Variants in CABIN1 observed in about 807,000 individuals in gnomAD.
CABIN1 encodes the protein calcineurin-binding protein cabin-1.
CABIN1 carries 133 observed loss-of-function variants against 227.7 expected under a neutral mutation model. The observed-to-expected ratio is 0.58, with a 90% CI of 0.51 to 0.67. The LOEUF is 0.67. Ranked by LOEUF, CABIN1 falls within the 30% of genes least tolerant of loss-of-function variation. The pLI is 0.00. For missense variants in CABIN1, 2,408 were observed against 2,852.5 expected, an observed-to-expected ratio of 0.84 and a Z score of 3.55; for synonymous variants, 1,086 against 1,155.1, an observed-to-expected ratio of 0.94 and a Z score of 1.21.
At chr22:24,140,298 A>G (rs1403095019) in intron 29 of CABIN1, among the ~76,000 whole-genome samples, 1 of 152,220 alleles carries the variant, frequency 6.6e-6, no homozygotes, top group Non-Finnish European at 1.5e-5. Context: ...ATGGACGTGT[A>G]GCAGGGCTCA....
intron 33 of CABIN1, among the ~76,000 whole-genome samples, chr22:24,168,729 G>T (rs1215274784): frequency 6.6e-6 from 1 of 152,230 alleles, no homozygotes; most frequent in Non-Finnish European, 1.5e-5. Flanking sequence ...GTTCAGACAT[G>T]CTGAGGGGTC....
At chr22:24,019,512 C>T (rs1404653761) in intron 1 of CABIN1, among the ~76,000 whole-genome samples, 1 of 152,024 alleles carries the variant, frequency 6.6e-6, no homozygotes, top group Non-Finnish European at 1.5e-5. Flanking sequence ...ACCTCAGCCT[C>T]GCAGAGCACT....
At chr22:24,014,393 G>C (rs2035078144) in intron 1 of CABIN1, among the ~76,000 whole-genome samples, 1 of 151,400 alleles carries the variant, frequency 6.6e-6, no homozygotes, top group South Asian at 2.1e-4. Context: ...CTTCAGGTTA[G>C]CTTCTGTGGC....
intron 16 of CABIN1, among the ~76,000 whole-genome samples, chr22:24,067,622 GA>G (rs1411249630): frequency 3.9e-5 from 6 of 152,222 alleles, no homozygotes; most frequent in Non-Finnish European, 7.3e-5. Context: ...CCTTATGTTT[GA>G]AACCTCGTGT....
intron 29 of CABIN1, 53 bp from the exon 30 acceptor site, chr22:24,164,347 G>A (rs773012827): frequency 1.8e-4 from 293 of 1,596,098 alleles, no homozygotes; most frequent in Non-Finnish European, 2.3e-4. Context: ...GGGTGTCCCC[G>A]AGGCTCCTGC....
At position 24,169,938 on chromosome 22, in the gene CABIN1, G is replaced by A. The variant is rs543200007; in HGVS notation, c.5757+1417G>A. Among the ~76,000 whole-genome samples the A allele has an allele frequency of 1.6e-4, 25 of 152,340 alleles. No individual in the cohort carries two copies. In the South Asian group the frequency reaches 4.1e-3, roughly 25 times the overall value. The stretch of plus-strand genomic sequence containing the variant: ...GAGGGCTGGGTGAGCAGAGATTTCC[G>A]TCAGAGACCTCGGAAGACACAGCCT... On this transcript the variant is annotated intron_variant, in intron 33 of 36. Coordinates refer to ENST00000263119, the MANE Select transcript of CABIN1 (RefSeq NM_012295.4).
At chr22:24,098,637 C>G (rs151163481) in intron 26 of CABIN1, among the ~76,000 whole-genome samples, 11 of 152,246 alleles carry the variant, frequency 7.2e-5, no homozygotes, top group Admixed American at 1.3e-4. Flanking sequence ...GTGACTAGTT[C>G]TAAGTCTGTC....
chr22:24,157,199 A>G (rs2045883320), intron 29 of CABIN1, among the ~76,000 whole-genome samples: 1 of 152,128 alleles, frequency 6.6e-6, no homozygotes, highest in Non-Finnish European at 1.5e-5. Flanking sequence ...AGGGGTGTTC[A>G]ACCTGGCCTG....
At chr22:24,069,312 T>C (rs115710132) in intron 16 of CABIN1, among the ~76,000 whole-genome samples, 1,873 of 152,338 alleles carry the variant, frequency 0.012, 35 homozygotes, top group African/African-American at 0.043. Flanking sequence ...TTTTTTGTGT[T>C]TGAGTCTGGG....
At chr22:24,119,335 G>A (rs745412172) in intron 27 of CABIN1, 32 bp from the exon 28 acceptor site, 1 of 1,590,876 alleles carries the variant, frequency 6.3e-7, no homozygotes, top group South Asian at 1.1e-5. Context: ...CTAAAACCAG[G>A]GTGACTTTCT....
chr22:24,104,571 C>T (rs1246580257), intron 26 of CABIN1, among the ~76,000 whole-genome samples: 5 of 152,358 alleles, frequency 3.3e-5, no homozygotes, highest in African/African-American at 1.2e-4. Context: ...GGCCCTCACA[C>T]AATGCCGTCA....
intron 29 of CABIN1, chr22:24,160,546 A>C (rs1422752450): frequency 2.6e-5 from 4 of 152,450 alleles, no homozygotes; most frequent in Non-Finnish European, 5.9e-5. Flanking sequence ...GAATCAGAAC[A>C]GTGTTTGAAT....
At chr22:24,115,847 T>G (rs912349586) in intron 27 of CABIN1, among the ~76,000 whole-genome samples, 1 of 152,180 alleles carries the variant, frequency 6.6e-6, no homozygotes, top group Admixed American at 6.5e-5. Context: ...GCCTGCTGCT[T>G]CCTCCATCAT....
chr22:24,115,594 A>G (rs2043038482), intron 27 of CABIN1, among the ~76,000 whole-genome samples: 2 of 152,182 alleles, frequency 1.3e-5, no homozygotes, highest in Non-Finnish European at 2.9e-5. Flanking sequence ...CAGCCAGCAG[A>G]TAGTTCTGGG....
At position 24,167,184 on chromosome 22, in the gene CABIN1, G is replaced by A. The variant is rs1445977813; in HGVS notation, c.5553G>A (p.Glu1851=). The change falls in exon 32 of 37, where the codon GAG becomes GAA. Residue 1851 remains glutamate, a synonymous_variant. Coordinates refer to ENST00000263119, the MANE Select transcript of CABIN1 (RefSeq NM_012295.4). ...SRLSRKRKLL[E]DTESGKTLLL... ...TCAGCCGCAAGAGGAAGCTCCTGGA[G>A]GACACAGAGTCAGGCAAGACACTTC... 6.2e-7 allele frequency: 1 copy of A among 1,611,272 alleles called. No homozygotes were observed. Among genetic ancestry groups the A allele is most frequent in the Non-Finnish European group, 8.5e-7 (1 of 1,179,578 alleles).
chr22:24,156,204 C>T, intron 29 of CABIN1: 1 of 389,526 alleles, frequency 2.6e-6, no homozygotes, highest in Admixed American at 4.5e-5. Context: ...GCTCAATCGT[C>T]CCCTGGTGGG....
chr22:24,018,087 T>A (rs2035434935), intron 1 of CABIN1, among the ~76,000 whole-genome samples: 1 of 152,040 alleles, frequency 6.6e-6, no homozygotes, highest in Non-Finnish European at 1.5e-5. Flanking sequence ...ACTCCTGGCC[T>A]CAAGCAATCC....
At chr22:24,097,842 G>C (rs2147374439) in intron 25 of CABIN1, among the ~76,000 whole-genome samples, 172 bp from the exon 26 acceptor site, 1 of 152,344 alleles carries the variant, frequency 6.6e-6, no homozygotes, top group African/African-American at 2.4e-5. Context: ...GAGCCTGTGT[G>C]GGTGCTGTAG....
At chr22:24,052,486 A>G (rs1180536040) in intron 8 of CABIN1, among the ~76,000 whole-genome samples, 1 of 148,370 alleles carries the variant, frequency 6.7e-6, no homozygotes, top group Non-Finnish European at 1.5e-5. Flanking sequence ...TTTTTTAAAC[A>G]ATGCTTTAAA....
Sources: allele counts gnomAD v4.1 joint callset (sites outside exome capture counted in the v4.1 genomes callset), GRCh38; gene constraint gnomAD v4.1.1; transcripts MANE v1.5; gene names NCBI Gene and HGNC (gene_info 2026-07-23, HGNC 2026-07-21).